Variants in ARHGAP19 observed in about 807,000 individuals in gnomAD.
ARHGAP19 encodes the protein Rho GTPase activating protein 19, also known as rho GTPase-activating protein 19.
In ARHGAP19, 48 loss-of-function variants were observed where a neutral mutation model predicts 60.9. The ratio of observed to expected loss-of-function variants is 0.79; its 90% confidence interval spans 0.62 to 1.00. The LOEUF (loss-of-function observed/expected upper bound fraction) is 1.00, where lower values mean the gene tolerates loss of function less well. Ranked by LOEUF, ARHGAP19 falls within the 50% of genes least tolerant of loss-of-function variation. The pLI is 0.00. For synonymous variants in ARHGAP19, 209 were observed against 215.5 expected, an observed-to-expected ratio of 0.97 and a Z score of 0.27; for missense variants, 562 against 597.2, an observed-to-expected ratio of 0.94 and a Z score of 0.61.
intron 1 of ARHGAP19, among the ~76,000 whole-genome samples, chr10:97,267,824 T>C (rs1088187): frequency 0.24 from 35,870 of 152,212 alleles, 4,638 homozygotes; most frequent in Non-Finnish European, 0.3. Context: ...CAAGGGACTG[T>C]GCAAAGCAGC....
chr10:97,265,533 A>T, intron 2 of ARHGAP19: 2 of 268,322 alleles, frequency 7.5e-6, no homozygotes, highest in Non-Finnish European at 1.4e-5. Context: ...TCTGTTCTAT[A>T]GTCTCTAGCT....
Position 97,265,957 on chromosome 10 carries a change from C to A in ARHGAP19, c.225G>T (p.Glu75Asp), listed in dbSNP as rs1842893280. ...CCACTTCCCCCATCAGCTGAGCCAA[C>A]TCAGTTCCAGGTAAATCGATGAGCC... ...ITRLIDLPGTELAQLMGEVDL... is the reference protein window; with the variant it reads ...ITRLIDLPGTDLAQLMGEVDL... Residue 75 changes from glutamate (E) to aspartate (D), a missense_variant, in exon 2 of 12, where the codon GAG becomes GAT. By Grantham distance (45) the Glu-to-Asp change is conservative. Transcript: ENST00000358531. 6.2e-7 allele frequency: 1 copy of A among 1,614,160 alleles called. No individual in the cohort carries two copies. Among genetic ancestry groups the A allele is most frequent in the East Asian group, 2.2e-5 (1 of 44,884 alleles).
chr10:97,265,765 A>G, intron 2 of ARHGAP19, 95 bp downstream of exon 2: 2 of 1,500,800 alleles, frequency 1.3e-6, no homozygotes, highest in East Asian at 4.6e-5. Context: ...AAATGCTTTA[A>G]GTTAATAGCA....
At chr10:97,268,013 GC>G (rs2075569106) in intron 1 of ARHGAP19, among the ~76,000 whole-genome samples, 1 of 152,184 alleles carries the variant, frequency 6.6e-6, no homozygotes, top group Non-Finnish European at 1.5e-5. Flanking sequence ...GAATTTCTCT[GC>G]AGAAAATGAG....
Position 97,282,506 on chromosome 10 carries a change from T to C in ARHGAP19, c.56+10066A>G, listed in dbSNP as rs80147784. On this transcript the variant is annotated intron_variant, in intron 1 of 11. Transcript: ENST00000358531. ...TTTTGCTTAAGCTAGTTTTAGTTTC[T>C]ATCACATATAACTGAAGAATCCTAA... Among the ~76,000 whole-genome samples, 92 of 152,102 alleles carry C rather than the reference T, an allele frequency of 6.0e-4. 1 individual carries two copies. In the East Asian group the frequency reaches 0.017, roughly 28 times the overall value.
chr10:97,262,831 ACACGTTGGG>A (rs1483671926), intron 4 of ARHGAP19, among the ~76,000 whole-genome samples: 2 of 151,120 alleles, frequency 1.3e-5, no homozygotes, highest in East Asian at 4.0e-4. Context: ...AGCAACTAAA[ACACGTTGGG>A]CACAGTGGCT....
rs150647967 is a variant in ARHGAP19 at position 97,265,110 on chromosome 10, T to C, written c.323-204A>G. ...GCTCTCTCTAAGTTCAATATTAGAC[T>C]GTAGGTTCCCTGAAGGGAAAGACCA... is the stretch of plus-strand genomic sequence containing the variant. On this transcript the variant is annotated intron_variant, in intron 2 of 11. Coordinates refer to ENST00000358531, the MANE Select transcript of ARHGAP19 (RefSeq NM_032900.6). Among the ~76,000 whole-genome samples, 10 of 152,288 alleles carry C rather than the reference T, an allele frequency of 6.6e-5. No individual in the cohort carries two copies. The East Asian group carries it at 7.7e-4, about 12-fold the overall frequency.
chr10:97,242,373 G>A (rs1315796593), intron 8 of ARHGAP19, among the ~76,000 whole-genome samples: 1 of 71,596 alleles, frequency 1.4e-5, no homozygotes, highest in Non-Finnish European at 2.5e-5. Context: ...CGCTCTTGTT[G>A]CCCAGGCTGG....
At chr10:97,259,045 T>G (rs1408420215) in intron 5 of ARHGAP19, among the ~76,000 whole-genome samples, 1 of 152,246 alleles carries the variant, frequency 6.6e-6, no homozygotes, top group East Asian at 1.9e-4. Context: ...TCTAATTTTA[T>G]AACATTTGAT....
At position 97,266,114 on chromosome 10, in the gene ARHGAP19, C is replaced by T. The variant is rs1474727519; in HGVS notation, c.68G>A (p.Cys23Tyr). ...AGAATCATTGCAGATCACAAAACTG[C>T]AGATGGCATCACTGAAAAACACAGA... Reference protein sequence around the residue: ...ARESGRSDAICSFVICNDSSL... With the variant: ...ARESGRSDAIYSFVICNDSSL... The change falls in exon 2 of 12, where the codon TGC (cysteine) becomes TAC (tyrosine). Residue 23 changes from cysteine to tyrosine, a missense_variant. Coordinates refer to ENST00000358531, the MANE Select transcript of ARHGAP19 (RefSeq NM_032900.6). 6.2e-7 allele frequency: 1 copy of T among 1,613,766 alleles called. No homozygotes were observed.
At chr10:97,250,578 G>A (rs113469717) in intron 6 of ARHGAP19, among the ~76,000 whole-genome samples, 6,826 of 151,318 alleles carry the variant, frequency 0.045, 258 homozygotes, top group African/African-American at 0.1. Flanking sequence ...GGGTTTCACC[G>A]TGTTGACTAG....
At chr10:97,237,185 A>G (rs1842393866) in intron 8 of ARHGAP19, among the ~76,000 whole-genome samples, 1 of 138,130 alleles carries the variant, frequency 7.2e-6, no homozygotes, top group African/African-American at 2.6e-5. Context: ...GGATGGCTTG[A>G]ACCCAGGAGG....
intron 1 of ARHGAP19, among the ~76,000 whole-genome samples, chr10:97,266,591 G>C (rs1285306669): frequency 6.6e-6 from 1 of 152,074 alleles, no homozygotes; most frequent in Non-Finnish European, 1.5e-5. Context: ...CCCTGTATTA[G>C]TCCATTTTCA....
intron 1 of ARHGAP19, among the ~76,000 whole-genome samples, chr10:97,289,905 T>C (rs80118573): frequency 6.7e-6 from 1 of 149,500 alleles, no homozygotes. Context: ...GAAAAGAAAA[T>C]AAATTCAAAC....
At chr10:97,262,415 C>T (rs908995434) in intron 4 of ARHGAP19, among the ~76,000 whole-genome samples, 1 of 151,886 alleles carries the variant, frequency 6.6e-6, no homozygotes, top group African/African-American at 2.4e-5. Context: ...ATCTGTAATC[C>T]CAGCACTTTG....
intron 7 of ARHGAP19, among the ~76,000 whole-genome samples, chr10:97,244,431 A>C (rs979774165): frequency 6.6e-6 from 1 of 152,204 alleles, no homozygotes; most frequent in African/African-American, 2.4e-5. Flanking sequence ...TTTAGTTTTT[A>C]AAGCATCTTT....
intron 11 of ARHGAP19, among the ~76,000 whole-genome samples, chr10:97,227,474 T>C (rs1028011564): frequency 7.3e-5 from 11 of 151,670 alleles, no homozygotes; most frequent in South Asian, 2.1e-4. Flanking sequence ...AGATAGAGCA[T>C]TGAAAAAAAT....
At chr10:97,290,652 A>C (rs1396871236) in intron 1 of ARHGAP19, among the ~76,000 whole-genome samples, 2 of 152,102 alleles carry the variant, frequency 1.3e-5, no homozygotes, top group Admixed American at 1.3e-4. Context: ...CATTTTGGTG[A>C]CCACGAAGGG....
At chr10:97,284,370 A>ACCTTGG (rs1329495455) in intron 1 of ARHGAP19, among the ~76,000 whole-genome samples, 3 of 152,004 alleles carry the variant, frequency 2.0e-5, no homozygotes, top group Non-Finnish European at 4.4e-5. Flanking sequence ...TGTTCTGCCC[A>ACCTTGG]CCTTGGCCTC....
Sources: gnomAD v4.1 joint callset for allele counts (sites outside exome capture counted in the v4.1 genomes callset) on GRCh38, gnomAD v4.1.1 for gene constraint, MANE v1.5 for transcripts, NCBI Gene and HGNC (gene_info 2026-07-23, HGNC 2026-07-21) for gene names.